ATP8B1: variants seen among roughly 807,000 people sequenced by gnomAD.
ATP8B1 encodes the protein phospholipid-transporting ATPase IC.
A neutral mutation model predicts 149.9 loss-of-function variants in ATP8B1; 80 were observed. The ratio of observed to expected loss-of-function variants is 0.53; its 90% confidence interval spans 0.45 to 0.64. ATP8B1 has a LOEUF of 0.64. ATP8B1 is among the 30% of genes least tolerant of loss of function. The probability of loss-of-function intolerance (pLI) is 0.00; values close to 1 mark genes in which losing one functional copy is unlikely to be tolerated. For missense variants in ATP8B1, 1,247 were observed against 1,552.6 expected (o/e 0.80, Z 3.31); for synonymous variants, 536 against 562.8 (o/e 0.95, Z 0.67).
At chr18:57,759,732 C>T (rs1374669172) in intron 1 of ATP8B1, among the ~76,000 whole-genome samples, 1 of 151,334 alleles carries the variant, frequency 6.6e-6, no homozygotes, top group South Asian at 2.1e-4. Flanking sequence ...GGCAGGAGAA[C>T]GGCATGAACC....
At chr18:57,673,811 AT>A (rs910109351) in intron 16 of ATP8B1, among the ~76,000 whole-genome samples, 13 of 152,112 alleles carry the variant, frequency 8.5e-5, no homozygotes, top group Admixed American at 1.3e-4. Flanking sequence ...CAAATTACGA[AT>A]TTAAAGCAGT....
chr18:57,667,030 G>A, intron 20 of ATP8B1, 62 bp downstream of exon 20: 1 of 1,419,056 alleles, frequency 7.0e-7, no homozygotes, highest in African/African-American at 1.4e-5. Flanking sequence ...ATCTTCTACA[G>A]ACAGTCTTGC....
At chr18:57,657,626 T>C (rs1204852672) in intron 22 of ATP8B1, among the ~76,000 whole-genome samples, 5 of 152,262 alleles carry the variant, frequency 3.3e-5, no homozygotes, top group Non-Finnish European at 5.9e-5. Context: ...ATATAATATT[T>C]ATGTTCTCTT....
chr18:57,781,999 T>C (rs1272667126), intron 1 of ATP8B1, among the ~76,000 whole-genome samples: 1 of 152,160 alleles, frequency 6.6e-6, no homozygotes, highest in Non-Finnish European at 1.5e-5. Flanking sequence ...TAAAAACCAG[T>C]AATAATAATA....
At chr18:57,734,332 G>A (rs1409052383) in intron 1 of ATP8B1, among the ~76,000 whole-genome samples, 1 of 152,124 alleles carries the variant, frequency 6.6e-6, no homozygotes, top group Non-Finnish European at 1.5e-5. Context: ...TGGGATTACA[G>A]GCATGTACCA....
chr18:57,686,636 G>A (rs1912264892), intron 13 of ATP8B1, among the ~76,000 whole-genome samples: 1 of 152,142 alleles, frequency 6.6e-6, no homozygotes, highest in South Asian at 2.1e-4. Flanking sequence ...GGCCAGGCTG[G>A]TCTCGAACTC....
intron 23 of ATP8B1, among the ~76,000 whole-genome samples, chr18:57,654,356 T>C (rs1909844693): frequency 6.6e-6 from 1 of 151,760 alleles, no homozygotes; most frequent in Admixed American, 6.6e-5. Flanking sequence ...TCTCACTCTG[T>C]CGCCCAGGCT....
At chr18:57,763,285 G>T (rs1303691209) in intron 1 of ATP8B1, among the ~76,000 whole-genome samples, 1 of 152,026 alleles carries the variant, frequency 6.6e-6, no homozygotes, top group Non-Finnish European at 1.5e-5. Flanking sequence ...CCAGCTACTA[G>T]GGAGGCTAAG....
rs1003683585 is a variant in ATP8B1, at chr18:57,792,695, A to G, written c.-26+10303T>C. On this transcript the variant is annotated intron_variant, in intron 1 of 27. Transcript: ENST00000648908. Reference sequence around the variant, plus strand: ...GTGGCAACAGTTGCACAGCTATGTAAATATACTAAGAACCATTGAATTGTA... The same window carrying G: ...GTGGCAACAGTTGCACAGCTATGTAGATATACTAAGAACCATTGAATTGTA... 6.6e-5 allele frequency among the ~76,000 whole-genome samples: 10 copies of G among 152,300 alleles called. No individual in the cohort carries two copies. In the East Asian group the frequency reaches 1.7e-3, roughly 26 times the overall value.
intron 1 of ATP8B1, among the ~76,000 whole-genome samples, chr18:57,769,115 G>A (rs1037921789): frequency 2.0e-5 from 3 of 152,146 alleles, no homozygotes; most frequent in African/African-American, 7.2e-5. Flanking sequence ...TTGCTCAACC[G>A]TGGTCTGACC....
At chr18:57,718,986 C>T (rs999355604) in intron 2 of ATP8B1, among the ~76,000 whole-genome samples, 1 of 152,130 alleles carries the variant, frequency 6.6e-6, no homozygotes. Context: ...CCTACTTTCA[C>T]CAGAAGTCCT....
intron 17 of ATP8B1, among the ~76,000 whole-genome samples, chr18:57,670,538 G>A (rs1304528315): frequency 6.6e-6 from 1 of 151,634 alleles, no homozygotes; most frequent in Non-Finnish European, 1.5e-5. Context: ...TTTTGGTAGA[G>A]ACGGGGTTTC....
chr18:57,669,300 A>C lies in ATP8B1; in HGVS notation c.2097+18T>G. The stretch of plus-strand genomic sequence containing the variant: ...TGCTTAGAATATCAAAGAAAAAGTT[A>C]TTAAGGCTAAAACTCACAATTAAGT... On this transcript the variant is annotated intron_variant, in intron 18 of 27. Coordinates refer to ENST00000648908, the MANE Select transcript of ATP8B1 (RefSeq NM_001374385.1). The C allele has an allele frequency of 6.3e-7, 1 of 1,580,494 alleles. No individual in the cohort carries two copies. Among genetic ancestry groups the C allele is most frequent in the Non-Finnish European group, 8.6e-7 (1 of 1,166,658 alleles).
At chr18:57,778,658 T>C (rs2080332444) in intron 1 of ATP8B1, among the ~76,000 whole-genome samples, 1 of 152,154 alleles carries the variant, frequency 6.6e-6, no homozygotes, top group Non-Finnish European at 1.5e-5. Context: ...ACCTCCAAGC[T>C]CACTCACAGG....
intron 1 of ATP8B1, among the ~76,000 whole-genome samples, chr18:57,770,130 G>T (rs554299678): frequency 2.7e-5 from 4 of 149,018 alleles, no homozygotes; most frequent in Non-Finnish European, 4.4e-5. Context: ...GTGCAGTGGT[G>T]CGATCTCAGC....
chr18:57,710,691 A>G (rs319408), intron 2 of ATP8B1, among the ~76,000 whole-genome samples: 15,847 of 152,248 alleles, frequency 0.1, 1,077 homozygotes, highest in Non-Finnish European at 0.16. Flanking sequence ...CTGGAGTCCA[A>G]TGATGCGATC....
chr18:57,672,412 G>C (rs1352469870), intron 16 of ATP8B1, among the ~76,000 whole-genome samples: 1 of 152,114 alleles, frequency 6.6e-6, no homozygotes. Flanking sequence ...TCTGTGTAAG[G>C]GACACAGAAA....
Position 57,759,991 on chromosome 18 carries a change from C to G in ATP8B1, c.-25-28159G>C, listed in dbSNP as rs184139676. ...TCATGTAGGAGAGCTGCTAGGAGGT[C>G]CACTCACTTTGTCACTAGCACCCAA... On this transcript the variant is annotated intron_variant, in intron 1 of 27. Coordinates refer to ENST00000648908, the MANE Select transcript of ATP8B1 (RefSeq NM_001374385.1). Among the ~76,000 whole-genome samples, 5 of 152,218 alleles carry G rather than the reference C, an allele frequency of 3.3e-5. No homozygotes were observed. The East Asian group carries it at 7.7e-4, about 24-fold the overall frequency.
Position 57,704,630 on chromosome 18 carries a change from G to T in ATP8B1, c.318C>A (p.Thr106=). 6.2e-7 allele frequency: 1 copy of T among 1,611,134 alleles called. No homozygotes were observed. Among genetic ancestry groups the T allele is most frequent in the Non-Finnish European group, 8.5e-7 (1 of 1,177,338 alleles). ...AIKTYKYNAF[T]FIPMNLFEQF... ...GCTCAAACAGATTCATTGGTATAAA[G>T]GTAAATGCGTTGTACTTGTATGTTT... Residue 106 remains threonine (T), a synonymous_variant, in exon 4 of 28, where the codon ACC becomes ACA. Coordinates refer to ENST00000648908, the MANE Select transcript of ATP8B1 (RefSeq NM_001374385.1).
Sources: gnomAD v4.1 joint callset for allele counts (sites outside exome capture counted in the v4.1 genomes callset) on GRCh38, gnomAD v4.1.1 for gene constraint, MANE v1.5 for transcripts, NCBI Gene and HGNC (gene_info 2026-07-23, HGNC 2026-07-21) for gene names.